VPS13D: variants seen among roughly 807,000 people sequenced by gnomAD.
VPS13D encodes the protein intermembrane lipid transfer protein VPS13D.
A neutral mutation model predicts 461.9 loss-of-function variants in VPS13D; 187 were observed. That is an observed-to-expected ratio of 0.40 (90% confidence interval 0.36 to 0.46). VPS13D has a LOEUF of 0.46. VPS13D is among the 20% of genes least tolerant of loss of function. VPS13D has a pLI of 0.60. For synonymous variants in VPS13D, 1,951 were observed against 1,986.3 expected, an observed-to-expected ratio of 0.98 and a Z score of 0.47; for missense variants, 4,711 against 5,364.9, an observed-to-expected ratio of 0.88 and a Z score of 3.81.
At chr1:12,326,696 T>G (rs1018563448) in intron 35 of VPS13D, among the ~76,000 whole-genome samples, 3 of 151,488 alleles carry the variant, frequency 2.0e-5, no homozygotes, top group African/African-American at 7.3e-5. Context: ...CAAGCTGGAG[T>G]GCAGTGGTGC....
rs201468938 is a variant in VPS13D, at chr1:12,425,941, G to A, written c.12333+9114G>A. ...GGTTGTAGAAGCAAAACCATGAGCC[G>A]TTGGAAACAACATTACTTAAAAGTA... On this transcript the variant is annotated intron_variant, in intron 65 of 69. Transcript: ENST00000620676. Among the ~76,000 whole-genome samples the A allele has an allele frequency of 2.6e-5, 4 of 152,334 alleles. No individual in the cohort carries two copies. In the South Asian group the frequency reaches 6.2e-4, roughly 24 times the overall value.
chr1:12,410,510 A>T (rs1483793778), intron 63 of VPS13D, among the ~76,000 whole-genome samples: 1 of 152,246 alleles, frequency 6.6e-6, no homozygotes, highest in Non-Finnish European at 1.5e-5. Flanking sequence ...GTCACAAATT[A>T]CCAGGCCAAG....
chr1:12,248,071 TA>T (rs1473168442), intron 5 of VPS13D, among the ~76,000 whole-genome samples: 1 of 151,924 alleles, frequency 6.6e-6, no homozygotes, highest in Non-Finnish European at 1.5e-5. Context: ...GTGTTTTTAA[TA>T]GAGACGGGGT....
At chr1:12,370,559 C>T (rs1343522571) in intron 54 of VPS13D, among the ~76,000 whole-genome samples, 1 of 152,156 alleles carries the variant, frequency 6.6e-6, no homozygotes, top group Admixed American at 6.5e-5. Flanking sequence ...TGCTTAGAGT[C>T]CAGATTTCAC....
At chr1:12,241,343 G>T (rs1212082902) in intron 2 of VPS13D, among the ~76,000 whole-genome samples, 1 of 152,162 alleles carries the variant, frequency 6.6e-6, no homozygotes, top group Non-Finnish European at 1.5e-5. Context: ...GGAGTAAAAG[G>T]CTCTCTTGCA....
intron 2 of VPS13D, 41 bp from the exon 3 acceptor site, chr1:12,242,471 AT>A: frequency 6.4e-7 from 1 of 1,570,638 alleles, no homozygotes; most frequent in South Asian, 1.1e-5. Context: ...GGCCTACTGT[AT>A]TTGTTAAATG....
At chr1:12,275,150 T>G (rs1641570771) in intron 18 of VPS13D, among the ~76,000 whole-genome samples, 1 of 151,826 alleles carries the variant, frequency 6.6e-6, no homozygotes, top group Non-Finnish European at 1.5e-5. Flanking sequence ...ACCTGGGAGG[T>G]GGAGGTTGTA....
chr1:12,488,452 T>C (rs553470771), intron 67 of VPS13D, among the ~76,000 whole-genome samples: 1 of 152,320 alleles, frequency 6.6e-6, no homozygotes, highest in Admixed American at 6.5e-5. Context: ...CTTTTTCCAG[T>C]CTATGTTTGT....
intron 35 of VPS13D, among the ~76,000 whole-genome samples, chr1:12,326,846 T>C (rs1271124155): frequency 1.3e-5 from 2 of 152,052 alleles, no homozygotes; most frequent in Non-Finnish European, 2.9e-5. Context: ...GGTTTCACCA[T>C]GTTGGTCAGG....
intron 68 of VPS13D, among the ~76,000 whole-genome samples, chr1:12,504,948 G>A (rs550116471): frequency 1.3e-3 from 191 of 152,120 alleles, no homozygotes; most frequent in Non-Finnish European, 1.7e-3. Context: ...TGGGGGCTGG[G>A]GGCTGGGGGC....
Position 12,369,659 on chromosome 1 carries a change from T to G in VPS13D, c.10765T>G (p.Tyr3589Asp). The G allele has an allele frequency of 6.2e-7, 1 of 1,614,228 alleles. No individual in the cohort carries two copies. The highest frequency in any genetic ancestry group is 8.5e-7 in the Non-Finnish European group (1 of 1,180,036). Residue 3589 changes from tyrosine (Y) to aspartate (D), a missense_variant, in exon 54 of 70, where the codon TAT becomes GAT. Tyr to Asp is a radical substitution (Grantham distance 160). Coordinates refer to ENST00000620676, the MANE Select transcript of VPS13D (RefSeq NM_015378.4). Reference protein sequence around the residue: ...NDFQDNRQLYYENFIYIAATY... With the variant: ...NDFQDNRQLYDENFIYIAATY... ...TTTCCAGGATAATCGGCAGCTTTAT[T>G]ATGAAAATTTCATTTACATTGCTGC...
chr1:12,252,538 G>A (rs1033572881), intron 6 of VPS13D, among the ~76,000 whole-genome samples: 7 of 152,086 alleles, frequency 4.6e-5, no homozygotes, highest in Non-Finnish European at 8.8e-5. Flanking sequence ...TTGGGAGGCC[G>A]AGGCGGGCAG....
Position 12,256,516 on chromosome 1 carries a change from T to A in VPS13D, c.840+13T>A, listed in dbSNP as rs769417775. On this transcript the variant is annotated intron_variant, in intron 8 of 69. Coordinates refer to ENST00000620676, the MANE Select transcript of VPS13D (RefSeq NM_015378.4). ...GAAACTCTCTCAGGTATGCCCTTTC[T>A]TCTCAGTGGCATCTACTTACTGTCA... 6.2e-7 allele frequency: 1 copy of A among 1,613,094 alleles called. No homozygotes were observed. Among genetic ancestry groups the A allele is most frequent in the Non-Finnish European group, 8.5e-7 (1 of 1,179,358 alleles).
At position 12,362,847 on chromosome 1, in the gene VPS13D, A is replaced by G. The variant is rs1250755054; in HGVS notation, c.10269A>G (p.Gly3423=). Residue 3423 remains glycine, a synonymous_variant, in exon 51 of 70, where the codon GGA becomes GGG. Transcript: ENST00000620676. ...LAFAQREFAR[G]QGTANPEGYI... Reference sequence around the variant, plus strand: ...TTGCACAGAGGGAATTTGCCAGGGGACAGGTGAGCAGTTTGCTTTTGAAGG... The same window carrying G: ...TTGCACAGAGGGAATTTGCCAGGGGGCAGGTGAGCAGTTTGCTTTTGAAGG... 6.2e-7 allele frequency: 1 copy of G among 1,614,098 alleles called. No individual in the cohort carries two copies. Among genetic ancestry groups the G allele is most frequent in the Non-Finnish European group, 8.5e-7 (1 of 1,180,010 alleles).
chr1:12,415,319 C>G, intron 64 of VPS13D, 98 bp downstream of exon 64: 4 of 1,485,080 alleles, frequency 2.7e-6, no homozygotes, highest in Non-Finnish European at 3.7e-6. Flanking sequence ...TATTGAGAAC[C>G]CAGTTAAACA....
At chr1:12,270,967 C>CT in intron 16 of VPS13D, 27 bp from the exon 17 acceptor site, 1 of 1,511,288 alleles carries the variant, frequency 6.6e-7, no homozygotes, top group Non-Finnish European at 9.1e-7. Flanking sequence ...AAAATTCTGA[C>CT]TCTGCTGTGT....
chr1:12,493,505 T>C (rs1173955802), intron 67 of VPS13D, among the ~76,000 whole-genome samples: 10 of 146,534 alleles, frequency 6.8e-5, no homozygotes, highest in African/African-American at 1.7e-4. Context: ...AAAAAAAGAC[T>C]AGAGTCCTTT....
chr1:12,382,170 C>T (rs1570053679), intron 57 of VPS13D, among the ~76,000 whole-genome samples: 1 of 151,662 alleles, frequency 6.6e-6, no homozygotes, highest in Non-Finnish European at 1.5e-5. Context: ...AGCACAATCT[C>T]AGTTCACTGC....
intron 65 of VPS13D, 123 bp from the exon 66 acceptor site, chr1:12,455,875 C>G (rs1645319500): frequency 3.2e-6 from 4 of 1,258,622 alleles, no homozygotes; most frequent in Non-Finnish European, 4.2e-6. Context: ...GATGAGATCA[C>G]ACCACTACAG....
Sources: gnomAD v4.1 joint callset for allele counts (sites outside exome capture counted in the v4.1 genomes callset) on GRCh38, gnomAD v4.1.1 for gene constraint, MANE v1.5 for transcripts, NCBI Gene and HGNC (gene_info 2026-07-23, HGNC 2026-07-21) for gene names.